Variants in TCERG1 observed in about 807,000 individuals in gnomAD.
The protein encoded by TCERG1 is TATA box binding protein (TBP)-associated factor, RNA polymerase II, S, 150kD.
TCERG1 carries 37 observed loss-of-function variants against 144.7 expected under a neutral mutation model. The ratio of observed to expected loss-of-function variants is 0.26; its 90% CI spans 0.20 to 0.34. TCERG1 has a LOEUF of 0.34. Among genes scored for constraint, TCERG1 ranks in the 10% least tolerant of loss-of-function variants. The pLI, the probability that TCERG1 is intolerant of heterozygous loss-of-function variation, is 1.00. For synonymous variants in TCERG1, 492 were observed against 458.2 expected (o/e 1.07, Z -0.94); for missense variants, 1,027 against 1,380.7 (o/e 0.74, Z 4.06).
At chr5:146,474,788 G>T (rs1436417595) in intron 9 of TCERG1, among the ~76,000 whole-genome samples, 3 of 152,168 alleles carry the variant, frequency 2.0e-5, no homozygotes, top group East Asian at 3.8e-4. Context: ...TAGCAATAAA[G>T]TATTTTTAAA....
intron 9 of TCERG1, among the ~76,000 whole-genome samples, chr5:146,475,703 A>G (rs1237747344): frequency 6.6e-6 from 1 of 152,144 alleles, no homozygotes; most frequent in African/African-American, 2.4e-5. Flanking sequence ...GCGTTCCAAT[A>G]ATGGAACACT....
At position 146,459,161 on chromosome 5, in the gene TCERG1, CCCAGGCTCAGGTCCAGGCCCAGGT is replaced by C. The variant is rs769131018; in HGVS notation, c.723_746del (p.Val247_Gln254del). ...GCTCAGGCACAAGCTCAGGCCCAGGCCCAGGCTCAGGTCCAGGCCCAGGTCCAGGCACAAGTGCAAGCACAAGCA... is the reference window on the plus strand; with the variant it reads ...GCTCAGGCACAAGCTCAGGCCCAGGCCCAGGCACAAGTGCAAGCACAAGCA... On this transcript the variant is annotated inframe_deletion, in exon 4 of 23. Transcript: ENST00000679501. The C allele has an allele frequency of 1.9e-6, 3 of 1,612,498 alleles. No homozygotes were observed. The highest frequency in any genetic ancestry group is 4.5e-5 in the East Asian group (2 of 44,830).
chr5:146,453,016 G>T (rs1305931551), intron 1 of TCERG1, among the ~76,000 whole-genome samples: 1 of 152,180 alleles, frequency 6.6e-6, no homozygotes, highest in African/African-American at 2.4e-5. Context: ...ATGATTAAAA[G>T]ACTTAATTTT....
chr5:146,493,311 C>T (rs527867167), intron 16 of TCERG1, among the ~76,000 whole-genome samples: 40 of 152,058 alleles, frequency 2.6e-4, no homozygotes, highest in African/African-American at 7.9e-4. Context: ...ATCTGTGCCT[C>T]ATCTTTGTAA....
chr5:146,457,741 G>A (rs1762955345), intron 3 of TCERG1, among the ~76,000 whole-genome samples: 1 of 152,234 alleles, frequency 6.6e-6, no homozygotes, highest in Admixed American at 6.5e-5. Context: ...TCTACAGATA[G>A]CTGTCTCAGG....
At chr5:146,454,947 T>C in intron 1 of TCERG1, 109 bp from the exon 2 acceptor site, 3 of 1,197,418 alleles carry the variant, frequency 2.5e-6, no homozygotes, top group Non-Finnish European at 3.5e-6. Flanking sequence ...ACTTTCCAAC[T>C]CCACTTAGAC....
intron 17 of TCERG1, among the ~76,000 whole-genome samples, chr5:146,501,999 A>G (rs1344349614): frequency 6.8e-6 from 1 of 147,066 alleles, no homozygotes; most frequent in Non-Finnish European, 1.5e-5. Flanking sequence ...GGTTCAGGCA[A>G]TTCTCCTGCT....
At chr5:146,472,701 T>TTGTGTGTGTG (rs59508893) in intron 9 of TCERG1, among the ~76,000 whole-genome samples, 12,664 of 145,942 alleles carry the variant, frequency 0.087, 698 homozygotes, top group Non-Finnish European at 0.12. Flanking sequence ...ACCTCTCACT[T>TTGTGTGTGTG]TGTGTGTGTG....
intron 15 of TCERG1, among the ~76,000 whole-genome samples, chr5:146,491,604 C>T (rs561285302): frequency 5.6e-4 from 85 of 152,268 alleles, no homozygotes; most frequent in Non-Finnish European, 9.6e-4. Flanking sequence ...CTCTCTGCTT[C>T]GGATCTGAGA....
intron 9 of TCERG1, among the ~76,000 whole-genome samples, chr5:146,473,086 A>C (rs1184984105): frequency 3.3e-5 from 5 of 152,250 alleles, no homozygotes; most frequent in Non-Finnish European, 7.3e-5. Context: ...AAGCCGAGAT[A>C]GGCTGAAAGC....
intron 15 of TCERG1, among the ~76,000 whole-genome samples, chr5:146,487,921 G>A (rs765903941): frequency 5.3e-5 from 8 of 152,102 alleles, no homozygotes; most frequent in Non-Finnish European, 1.0e-4. Flanking sequence ...CAAAGGAACA[G>A]AATAGGGAAC....
At chr5:146,496,899 A>G (rs1164621612) in intron 16 of TCERG1, among the ~76,000 whole-genome samples, 1 of 123,702 alleles carries the variant, frequency 8.1e-6, no homozygotes, top group African/African-American at 3.3e-5. Context: ...TTTGAGACAG[A>G]GTCTTGCTCT....
intron 15 of TCERG1, among the ~76,000 whole-genome samples, chr5:146,488,227 C>G (rs532549143): frequency 6.6e-6 from 1 of 152,112 alleles, no homozygotes; most frequent in South Asian, 2.1e-4. Context: ...AAAGCACAAG[C>G]AAGAATAAAC....
chr5:146,488,045 A>G (rs150313701), intron 15 of TCERG1, among the ~76,000 whole-genome samples: 141 of 152,326 alleles, frequency 9.3e-4, no homozygotes, highest in African/African-American at 3.2e-3. Context: ...CTGGAAATCT[A>G]TATGCAGAAG....
At chr5:146,447,863 C>G (rs937267109) in intron 1 of TCERG1, among the ~76,000 whole-genome samples, 2 of 152,272 alleles carry the variant, frequency 1.3e-5, no homozygotes, top group African/African-American at 4.8e-5. Context: ...TCCACGCCCT[C>G]CGCGGCTCTT....
chr5:146,456,365 A>G (rs1377580655), intron 2 of TCERG1, among the ~76,000 whole-genome samples: 1 of 152,220 alleles, frequency 6.6e-6, no homozygotes, highest in African/African-American at 2.4e-5. Flanking sequence ...ATAAAATGTA[A>G]TGGACTAATG....
Position 146,469,730 on chromosome 5 carries a change from A to T in TCERG1, c.1385A>T (p.Glu462Val). 6.2e-7 allele frequency: 1 copy of T among 1,604,302 alleles called. No individual in the cohort carries two copies. Among genetic ancestry groups the T allele is most frequent in the African/African-American group, 1.3e-5 (1 of 74,480 alleles). Residue 462 changes from glutamate (E) to valine (V), a missense_variant, in exon 7 of 23, where the codon GAA (glutamate) becomes GTA (valine). Coordinates refer to ENST00000679501, the MANE Select transcript of TCERG1 (RefSeq NM_001382548.1). ...TLESTWEKPQ[E>V]LKEKEKLEEK... is the part of the protein sequence containing the mutation. ...GAATCAACCTGGGAAAAACCCCAAG[A>T]ACTAAAGGAAAAAGGTATATAGTGG...
rs1581484516 is a variant in TCERG1, at chr5:146,480,117, T to C, written c.1886+23T>C. On this transcript the variant is annotated intron_variant, in intron 12 of 22. Transcript: ENST00000679501. ...GAAGTAAGTAATACATACGATTTGA[T>C]TGAGGTAGATTATATCTTTTAAAAG... The C allele has an allele frequency of 2.6e-6, 4 of 1,532,674 alleles. No homozygotes were observed. The East Asian group carries it at 9.0e-5, about 35-fold the overall frequency. The allele number at this position is 1,532,674 out of a possible 1,614,324, so 94.9% of individuals were successfully genotyped here.
chr5:146,462,568 C>A (rs1269085010), intron 4 of TCERG1, among the ~76,000 whole-genome samples: 4 of 152,100 alleles, frequency 2.6e-5, no homozygotes, highest in Non-Finnish European at 5.9e-5. Context: ...TTAGCAGAAC[C>A]CAAATGATCC....
Sources: gnomAD v4.1 joint callset for allele counts (sites outside exome capture counted in the v4.1 genomes callset) on GRCh38, gnomAD v4.1.1 for gene constraint, MANE v1.5 for transcripts, NCBI Gene and HGNC (gene_info 2026-07-23, HGNC 2026-07-21) for gene names.